SGCZ: variants seen among roughly 807,000 people sequenced by gnomAD.
The protein encoded by SGCZ is zeta-sarcoglycan.
In SGCZ, 40 loss-of-function variants were observed where a neutral mutation model predicts 41.3. That is an observed-to-expected ratio of 0.97 (90% CI 0.75 to 1.26). The LOEUF (loss-of-function observed/expected upper bound fraction) is 1.26. Among genes scored for constraint, SGCZ ranks in the 50% most tolerant of loss-of-function variants. The probability of loss-of-function intolerance (pLI) is 0.00; values close to 1 mark genes in which losing one functional copy is unlikely to be tolerated. For synonymous variants in SGCZ, 206 were observed against 137.5 expected (o/e 1.50, Z -3.49); for missense variants, 552 against 369.8 (o/e 1.49, Z -4.04).
intron 1 of SGCZ, among the ~76,000 whole-genome samples, chr8:14,919,164 C>A (rs532599658): frequency 2.6e-5 from 4 of 152,088 alleles, no homozygotes; most frequent in Non-Finnish European, 4.4e-5. Context: ...TAAGGCCAGG[C>A]GAGGTGGCTC....
At chr8:14,670,324 T>A (rs973516050) in intron 1 of SGCZ, among the ~76,000 whole-genome samples, 1 of 151,992 alleles carries the variant, frequency 6.6e-6, no homozygotes, top group African/African-American at 2.4e-5. Flanking sequence ...CCCCCCCAAA[T>A]CAGAGTAAAA....
chr8:14,613,368 T>C (rs2117346365), intron 1 of SGCZ, among the ~76,000 whole-genome samples: 1 of 152,252 alleles, frequency 6.6e-6, no homozygotes, highest in South Asian at 2.1e-4. Flanking sequence ...CATTTTTAGG[T>C]GGATAATTAA....
chr8:15,216,902 G>T (rs1452277096), intron 1 of SGCZ, among the ~76,000 whole-genome samples: 2 of 152,072 alleles, frequency 1.3e-5, no homozygotes, highest in Non-Finnish European at 2.9e-5. Flanking sequence ...AGATTTTTGG[G>T]TATCGTTGCT....
chr8:14,462,186 G>A (rs1265517642), intron 2 of SGCZ, among the ~76,000 whole-genome samples: 1 of 151,556 alleles, frequency 6.6e-6, no homozygotes, highest in African/African-American at 2.4e-5. Flanking sequence ...TAATAATTAG[G>A]ATTTGACATT....
At chr8:14,601,409 T>C (rs1805584807) in intron 1 of SGCZ, among the ~76,000 whole-genome samples, 2 of 152,170 alleles carry the variant, frequency 1.3e-5, no homozygotes, top group African/African-American at 4.8e-5. Flanking sequence ...GTTATTAAAA[T>C]ACAATAAATG....
intron 5 of SGCZ, among the ~76,000 whole-genome samples, chr8:14,163,700 C>G (rs926767992): frequency 3.9e-5 from 6 of 152,030 alleles, no homozygotes; most frequent in Non-Finnish European, 7.4e-5. Context: ...AGGATTCAAC[C>G]CAAACAACCC....
intron 2 of SGCZ, among the ~76,000 whole-genome samples, chr8:14,493,728 C>A (rs1415703398): frequency 6.6e-6 from 1 of 152,082 alleles, no homozygotes; most frequent in South Asian, 2.1e-4. Context: ...TCAGTCTTTC[C>A]CACCAAGGGA....
chr8:14,595,215 T>A (rs563390700), intron 1 of SGCZ, among the ~76,000 whole-genome samples: 1 of 152,178 alleles, frequency 6.6e-6, no homozygotes, highest in Non-Finnish European at 1.5e-5. Context: ...CTACTCTTTA[T>A]GTAAAGCCCT....
chr8:15,221,905 G>A (rs74853354), intron 1 of SGCZ, among the ~76,000 whole-genome samples: 6,831 of 152,148 alleles, frequency 0.045, 218 homozygotes, highest in Middle Eastern at 0.078. Flanking sequence ...CACTCTGCAG[G>A]AATCTGAATG....
At chr8:14,337,752 C>T (rs1476322234) in intron 2 of SGCZ, among the ~76,000 whole-genome samples, 1 of 152,040 alleles carries the variant, frequency 6.6e-6, no homozygotes, top group South Asian at 2.1e-4. Context: ...GAGAATGATA[C>T]AAGAATCACC....
intron 5 of SGCZ, among the ~76,000 whole-genome samples, chr8:14,153,180 G>A (rs1803763456): frequency 6.6e-6 from 1 of 152,166 alleles, no homozygotes; most frequent in African/African-American, 2.4e-5. Flanking sequence ...GGTGAATGTT[G>A]CAGATTCTCT....
chr8:14,210,153 G>T (rs935923921), intron 4 of SGCZ, among the ~76,000 whole-genome samples: 2 of 152,114 alleles, frequency 1.3e-5, no homozygotes, highest in African/African-American at 4.8e-5. Context: ...CGCCTACCAG[G>T]CTCAAGCAAT....
intron 1 of SGCZ, among the ~76,000 whole-genome samples, chr8:14,874,321 T>C (rs868639638): frequency 1.3e-5 from 2 of 152,302 alleles, no homozygotes; most frequent in South Asian, 4.1e-4. Context: ...TTCTTGAAAG[T>C]TGACTGTCCA....
intron 2 of SGCZ, among the ~76,000 whole-genome samples, chr8:14,354,008 C>T (rs934589191): frequency 1.3e-5 from 2 of 152,036 alleles, no homozygotes; most frequent in African/African-American, 4.8e-5. Flanking sequence ...AAATGTCATT[C>T]TCTCAACAAT....
rs1386015123 is a variant in SGCZ at position 14,858,245 on chromosome 8, A to T, written c.40-303319T>A. Among the ~76,000 whole-genome samples the T allele has an allele frequency of 4.6e-5, 7 of 152,074 alleles. No homozygotes were observed. The East Asian group carries it at 1.4e-3, about 29-fold the overall frequency. ...TATTAATGAGAAATTAAGATAAATTATTTAAATATTAATTAATTTGCTTCA... is the reference window on the plus strand; with the variant it reads ...TATTAATGAGAAATTAAGATAAATTTTTTAAATATTAATTAATTTGCTTCA... On this transcript the variant is annotated intron_variant, in intron 1 of 7. Coordinates refer to ENST00000382080, the MANE Select transcript of SGCZ (RefSeq NM_139167.4).
chr8:15,171,411 T>C (rs1222685088), intron 1 of SGCZ, among the ~76,000 whole-genome samples: 2 of 152,176 alleles, frequency 1.3e-5, no homozygotes, highest in Non-Finnish European at 2.9e-5. Context: ...TGCATTTTAT[T>C]TAATTTTATC....
intron 1 of SGCZ, among the ~76,000 whole-genome samples, chr8:14,669,724 AC>A (rs1808041978): frequency 6.6e-6 from 1 of 151,260 alleles, no homozygotes; most frequent in Non-Finnish European, 1.5e-5. Flanking sequence ...ACACACACAC[AC>A]ACACACAATA....
In SGCZ at chr8:14,680,963, G is replaced by GAAAAAAAAAAAAAAAA. The variant is rs374278969; in HGVS notation, c.40-126038_40-126037insTTTTTTTTTTTTTTTT. 2.0e-3 allele frequency among the ~76,000 whole-genome samples: 207 copies of GAAAAAAAAAAAAAAAA among 106,052 alleles called. 9 individuals carry two copies. The highest frequency in any genetic ancestry group is 2.6e-3 in the African/African-American group (60 of 22,930). 69.6% of individuals were successfully genotyped at this position (106,052 alleles called of 152,430 possible). On this transcript the variant is annotated intron_variant, in intron 1 of 7. Coordinates refer to ENST00000382080, the MANE Select transcript of SGCZ (RefSeq NM_139167.4). The stretch of plus-strand genomic sequence containing the variant: ...TGAAACATACAGAGGAAAAAGAGTG[G>GAAAAAAAAAAAAAAAA]GAAAAAAAAAAAAAAAAACAGAAAA...
intron 1 of SGCZ, among the ~76,000 whole-genome samples, chr8:14,667,044 TAGAG>T (rs1379911525): frequency 6.6e-6 from 1 of 152,006 alleles, no homozygotes; most frequent in Non-Finnish European, 1.5e-5. Flanking sequence ...TAGAGACATA[TAGAG>T]AGAGACATAT....
Sources: allele counts gnomAD v4.1 joint callset (sites outside exome capture counted in the v4.1 genomes callset), GRCh38; gene constraint gnomAD v4.1.1; transcripts MANE v1.5; gene names NCBI Gene and HGNC (gene_info 2026-07-23, HGNC 2026-07-21).